MOV10L1: variants seen among roughly 807,000 people sequenced by gnomAD.
MOV10L1 encodes RNA helicase Mov10l1.
A neutral mutation model predicts 143.8 loss-of-function variants in MOV10L1; 110 were observed. The ratio of observed to expected loss-of-function variants is 0.76; its 90% confidence interval spans 0.66 to 0.90. The LOEUF is 0.90. Ranked by LOEUF, MOV10L1 falls within the 40% of genes least tolerant of loss-of-function variation. The probability of loss-of-function intolerance (pLI) is 0.00; values close to 1 mark genes in which losing one functional copy is unlikely to be tolerated. For missense variants in MOV10L1, 1,406 were observed against 1,526.8 expected (o/e 0.92, Z 1.32); for synonymous variants, 593 against 581.1 (o/e 1.02, Z -0.29).
chr22:50,149,550 T>A, intron 19 of MOV10L1, 65 bp from the exon 20 acceptor site: 1 of 1,512,660 alleles, frequency 6.6e-7, no homozygotes, highest in South Asian at 1.2e-5. Flanking sequence ...TTTGCCAGTG[T>A]GTCAGAGGCA....
At chr22:50,120,461 G>T in intron 9 of MOV10L1, 41 bp from the exon 10 acceptor site, 1 of 1,301,728 alleles carries the variant, frequency 7.7e-7, no homozygotes, top group Non-Finnish European at 1.1e-6. Context: ...GATACCTGGT[G>T]ATAAAGACTT....
At chr22:50,132,185 G>A (rs1224232883) in intron 13 of MOV10L1, among the ~76,000 whole-genome samples, 1 of 152,142 alleles carries the variant, frequency 6.6e-6, no homozygotes, top group Non-Finnish European at 1.5e-5. Context: ...CGAAGCTGGG[G>A]GGAACACAAA....
At chr22:50,145,221 C>G (rs1288609119) in intron 18 of MOV10L1, among the ~76,000 whole-genome samples, 2 of 152,206 alleles carry the variant, frequency 1.3e-5, no homozygotes, top group Non-Finnish European at 2.9e-5. Flanking sequence ...AGATTACAGG[C>G]TTTAGCCACT....
At position 50,161,589 on chromosome 22, in the gene MOV10L1, C is replaced by A; in HGVS notation, c.*140C>A. 1.2e-6 allele frequency: 1 copy of A among 809,286 alleles called. No homozygotes were observed. The highest frequency in any genetic ancestry group is 1.9e-6 in the Non-Finnish European group (1 of 527,638). The allele number at this position is 809,286 out of a possible 1,614,324, so 50.1% of individuals were successfully genotyped here. A position where few individuals can be genotyped will look rare whatever the true frequency, so the allele number is the denominator to read the frequency against. On this transcript the variant is annotated 3_prime_UTR_variant, in exon 27 of 27. Coordinates refer to ENST00000262794, the MANE Select transcript of MOV10L1 (RefSeq NM_018995.3). The stretch of plus-strand genomic sequence containing the variant: ...GTGGGTGTGGGGCTGCCAGGTTGGA[C>A]GCAGCTGCTGCTGCCCTGACTTTGG...
chr22:50,135,050 GTCAC>G (rs2062785394), intron 15 of MOV10L1, among the ~76,000 whole-genome samples: 1 of 141,328 alleles, frequency 7.1e-6, no homozygotes, highest in South Asian at 2.4e-4. Context: ...GTCTCGCTCT[GTCAC>G]CCAGGCTGGA....
intron 8 of MOV10L1, among the ~76,000 whole-genome samples, chr22:50,115,489 G>T (rs1231946402): frequency 6.6e-6 from 1 of 152,020 alleles, no homozygotes; most frequent in Non-Finnish European, 1.5e-5. Context: ...GGTGACGGAG[G>T]GTGCAGTGAG....
At position 50,144,201 on chromosome 22, in the gene MOV10L1, G is replaced by A. The variant is rs11704548; in HGVS notation, c.2463G>A (p.Pro821=). 95,713 of 1,610,790 alleles carry A rather than the reference G, an allele frequency of 0.059. 3,372 individuals are homozygous for A. The highest frequency in any genetic ancestry group is 0.12 in the Middle Eastern group (754 of 6,050). The change falls in exon 18 of 27, where the codon CCG becomes CCA. Residue 821 remains proline (P), a synonymous_variant. Coordinates refer to ENST00000262794, the MANE Select transcript of MOV10L1 (RefSeq NM_018995.3). The part of the protein sequence containing the change: ...LRLHESKVLQ[P]ATMVRVNATC... ...TGCACGAGAGCAAGGTGCTACAGCC[G>A]GCCACCATGGTCCGGGTGAACGCCA...
chr22:50,117,784 T>C (rs1203446617), intron 9 of MOV10L1, among the ~76,000 whole-genome samples: 1 of 152,166 alleles, frequency 6.6e-6, no homozygotes, highest in African/African-American at 2.4e-5. Flanking sequence ...GAAGATGTGG[T>C]ACCACTTAAG....
intron 18 of MOV10L1, 111 bp downstream of exon 18, chr22:50,144,354 C>T (rs1602318432): frequency 7.5e-7 from 1 of 1,331,086 alleles, no homozygotes; most frequent in Non-Finnish European, 1.0e-6. Flanking sequence ...AGAGGCGCCA[C>T]AGAAAGCTGT....
rs1364296451 is a variant in MOV10L1, at chr22:50,144,263, A to G, written c.2505+20A>G. 1.3e-6 allele frequency: 2 copies of G among 1,582,026 alleles called. No homozygotes were observed. The highest frequency in any genetic ancestry group is 2.2e-5 in the South Asian group (2 of 90,138). On this transcript the variant is annotated intron_variant, in intron 18 of 26. Coordinates refer to ENST00000262794, the MANE Select transcript of MOV10L1 (RefSeq NM_018995.3). ...GAGGAGGTGAGCCCTTGGTGCAAGC[A>G]GTGGGGGGCACCAGAACCCCTCCCT...
At chr22:50,090,381 C>T (rs776041573) in intron 1 of MOV10L1, 196 bp downstream of exon 1, 14 of 1,545,408 alleles carry the variant, frequency 9.1e-6, no homozygotes, top group East Asian at 2.4e-5. Context: ...CCGCTCTGGG[C>T]GCCCGTCCTC....
chr22:50,112,437 C>T (rs2062050361), intron 5 of MOV10L1, among the ~76,000 whole-genome samples: 1 of 152,220 alleles, frequency 6.6e-6, no homozygotes, highest in African/African-American at 2.4e-5. Flanking sequence ...GCATCAGGCC[C>T]AGGAACCAGG....
chr22:50,127,660 T>C (rs2062549499), intron 12 of MOV10L1, among the ~76,000 whole-genome samples: 2 of 152,236 alleles, frequency 1.3e-5, no homozygotes, highest in Non-Finnish European at 2.9e-5. Context: ...GGGCTTTCCT[T>C]CTTATTTTTC....
intron 5 of MOV10L1, among the ~76,000 whole-genome samples, chr22:50,111,808 T>C (rs1240116878): frequency 1.3e-5 from 2 of 151,860 alleles, no homozygotes; most frequent in Admixed American, 1.3e-4. Context: ...CGGCCCCGAG[T>C]CTTTATTTTC....
At chr22:50,134,663 G>C (rs756624600) in intron 15 of MOV10L1, 33 bp downstream of exon 15, 2 of 1,591,692 alleles carry the variant, frequency 1.3e-6, no homozygotes, top group Admixed American at 3.3e-5. Context: ...TCTCTACACA[G>C]GGGATGGCTC....
intron 3 of MOV10L1, among the ~76,000 whole-genome samples, chr22:50,103,816 A>G (rs1485661089): frequency 1.3e-5 from 2 of 152,136 alleles, no homozygotes; most frequent in Non-Finnish European, 2.9e-5. Context: ...GCAGTCCCCA[A>G]ACTCTTTGGC....
intron 10 of MOV10L1, among the ~76,000 whole-genome samples, chr22:50,123,178 A>G (rs1207465981): frequency 7.0e-6 from 1 of 143,746 alleles, no homozygotes; most frequent in Non-Finnish European, 1.5e-5. Context: ...CCTTGGTGAC[A>G]GAGGGAAACT....
intron 19 of MOV10L1, among the ~76,000 whole-genome samples, chr22:50,148,987 G>T (rs537908327): frequency 1.5e-3 from 225 of 152,334 alleles, no homozygotes; most frequent in African/African-American, 5.2e-3. Flanking sequence ...TAATGGTGCC[G>T]CAGATTGGGA....
chr22:50,125,750 T>C (rs2062480911), intron 11 of MOV10L1, among the ~76,000 whole-genome samples, 181 bp downstream of exon 11: 1 of 152,198 alleles, frequency 6.6e-6, no homozygotes, highest in South Asian at 2.1e-4. Flanking sequence ...TGTATTTCAT[T>C]AGTTGTAAGC....
Sources: allele counts gnomAD v4.1 joint callset (sites outside exome capture counted in the v4.1 genomes callset), GRCh38; gene constraint gnomAD v4.1.1; transcripts MANE v1.5; gene names NCBI Gene and HGNC (gene_info 2026-07-23, HGNC 2026-07-21).